The following RSRC1 variants were observed in gnomAD, a reference collection of about 807,000 sequenced individuals.
RSRC1 encodes the protein arginine and serine rich coiled-coil 1, also known as serine/Arginine-related protein 53.
RSRC1 carries 39 observed loss-of-function variants against 49.1 expected under a neutral mutation model. The ratio of observed to expected loss-of-function variants is 0.79; its 90% CI spans 0.61 to 1.04. The LOEUF (loss-of-function observed/expected upper bound fraction) is 1.04, where lower values mean the gene tolerates loss of function less well. Ranked by LOEUF, RSRC1 falls within the 50% of genes least tolerant of loss-of-function variation. RSRC1 has a pLI of 0.00. For synonymous variants in RSRC1, 143 were observed against 130.8 expected (o/e 1.09, Z -0.63); for missense variants, 388 against 402.4 (o/e 0.96, Z 0.31).
chr3:158,119,821 A>C (rs1463715259), intron 1 of RSRC1, among the ~76,000 whole-genome samples: 1 of 146,206 alleles, frequency 6.8e-6, no homozygotes. Context: ...ATATATTTAT[A>C]ATTTCATAGT....
chr3:158,496,225 A>G (rs1739315060), intron 7 of RSRC1, among the ~76,000 whole-genome samples: 1 of 152,124 alleles, frequency 6.6e-6, no homozygotes, highest in Non-Finnish European at 1.5e-5. Context: ...GATTTTATGT[A>G]TTTGTCATAT....
At chr3:158,474,745 C>T (rs983737471) in intron 7 of RSRC1, among the ~76,000 whole-genome samples, 3 of 152,180 alleles carry the variant, frequency 2.0e-5, no homozygotes, top group Non-Finnish European at 4.4e-5. Context: ...AATTCTAGCC[C>T]TTCTCCTTTG....
intron 4 of RSRC1, among the ~76,000 whole-genome samples, chr3:158,289,453 G>T (rs1726782503): frequency 6.6e-6 from 1 of 152,142 alleles, no homozygotes; most frequent in Non-Finnish European, 1.5e-5. Flanking sequence ...AAAACTAAAG[G>T]ATCTTAAAAA....
chr3:158,315,910 G>C (rs978396150), intron 5 of RSRC1, among the ~76,000 whole-genome samples: 1 of 152,088 alleles, frequency 6.6e-6, no homozygotes, highest in Non-Finnish European at 1.5e-5. Flanking sequence ...GGTGGCTCAC[G>C]CCTGCAATCC....
chr3:158,476,896 C>T (rs11714821), intron 7 of RSRC1, among the ~76,000 whole-genome samples: 79,082 of 151,936 alleles, frequency 0.52, 21,135 homozygotes, highest in African/African-American at 0.64. Flanking sequence ...TTGTTTTAGA[C>T]GCCATTAAGA....
At chr3:158,255,497 ATGATGCCTC>A (rs1724490496) in intron 4 of RSRC1, among the ~76,000 whole-genome samples, 1 of 152,140 alleles carries the variant, frequency 6.6e-6, no homozygotes, top group Non-Finnish European at 1.5e-5. Context: ...GTCAGGTAGC[ATGATGCCTC>A]CAGCTTTGTT....
Position 158,123,922 on chromosome 3 carries a change from G to T in RSRC1, c.251G>T (p.Arg84Leu), listed in dbSNP as rs775199166. The change falls in exon 3 of 10, where the codon CGA becomes CTA. Residue 84 changes from arginine to leucine, a missense_variant. Coordinates refer to ENST00000611884, the MANE Select transcript of RSRC1 (RefSeq NM_001271838.2). ...SSYGSRRKRS[R>L]SRSRGRGKSY... Reference sequence around the variant, plus strand: ...TATGGCTCCAGAAGGAAACGAAGTCGAAGTCGTTCAAGGGGTCGAGGGAAA... The same window carrying T: ...TATGGCTCCAGAAGGAAACGAAGTCTAAGTCGTTCAAGGGGTCGAGGGAAA... 1 of 1,612,920 alleles carries T rather than the reference G, an allele frequency of 6.2e-7. No homozygotes were observed. The highest frequency in any genetic ancestry group is 1.3e-5 in the African/African-American group (1 of 74,970).
intron 1 of RSRC1, among the ~76,000 whole-genome samples, chr3:158,121,262 A>G (rs532758163): frequency 1.3e-5 from 2 of 152,178 alleles, no homozygotes; most frequent in South Asian, 2.1e-4. Flanking sequence ...TTTTTAGATT[A>G]TTATTACTCA....
intron 4 of RSRC1, among the ~76,000 whole-genome samples, chr3:158,291,034 C>T (rs1388991015): frequency 6.6e-6 from 1 of 151,836 alleles, no homozygotes; most frequent in African/African-American, 2.4e-5. Context: ...CCTATCTCTA[C>T]AAAAAATAAG....
At chr3:158,190,443 A>T (rs1388398515) in intron 3 of RSRC1, among the ~76,000 whole-genome samples, 2 of 151,636 alleles carry the variant, frequency 1.3e-5, no homozygotes, top group African/African-American at 4.8e-5. Context: ...CCTTTTCATC[A>T]TTAACATCTA....
chr3:158,316,154 A>G (rs1221180270), intron 5 of RSRC1, among the ~76,000 whole-genome samples: 2 of 151,812 alleles, frequency 1.3e-5, no homozygotes, highest in Non-Finnish European at 2.9e-5. Flanking sequence ...CCTGGACAAC[A>G]GAGCGAGACT....
chr3:158,298,670 C>A, intron 5 of RSRC1, among the ~76,000 whole-genome samples: 1 of 152,034 alleles, frequency 6.6e-6, no homozygotes, highest in East Asian at 1.9e-4. Flanking sequence ...AAAACCCTTA[C>A]AATTGTAATA....
chr3:158,480,982 A>AT (rs1339937407), intron 7 of RSRC1, among the ~76,000 whole-genome samples: 1 of 152,006 alleles, frequency 6.6e-6, no homozygotes, highest in East Asian at 1.9e-4. Context: ...CAGAATTAAG[A>AT]TTTTCAAACA....
At chr3:158,536,550 T>A (rs1712722455) in intron 7 of RSRC1, among the ~76,000 whole-genome samples, 1 of 151,518 alleles carries the variant, frequency 6.6e-6, no homozygotes, top group African/African-American at 2.4e-5. Context: ...ATTGATAATA[T>A]TTTTAGTTGT....
chr3:158,203,581 A>G (rs574370745), intron 4 of RSRC1, among the ~76,000 whole-genome samples: 3 of 152,298 alleles, frequency 2.0e-5, no homozygotes, highest in Non-Finnish European at 2.9e-5. Context: ...TTCCTTTGTT[A>G]TGAGTATGAA....
At position 158,326,608 on chromosome 3, in the gene RSRC1, G is replaced by T. The variant is rs562316087; in HGVS notation, c.532-28249G>T. On this transcript the variant is annotated intron_variant, in intron 5 of 9. Transcript: ENST00000611884. ...CTAGATCATGGTGGATAAGCTCTTT[G>T]ATGTGCTGCTGGATTTGGTTTGCCA... 1.2e-4 allele frequency among the ~76,000 whole-genome samples: 19 copies of T among 152,220 alleles called. No homozygotes were observed. In the South Asian group the frequency reaches 3.1e-3, roughly 25 times the overall value.
At chr3:158,440,650 A>G (rs1017077180) in intron 6 of RSRC1, among the ~76,000 whole-genome samples, 1 of 152,138 alleles carries the variant, frequency 6.6e-6, no homozygotes, top group Non-Finnish European at 1.5e-5. Flanking sequence ...TTTCAGAAAT[A>G]TTAGAGAAAC....
chr3:158,447,314 T>C (rs1736775549), intron 6 of RSRC1, among the ~76,000 whole-genome samples: 1 of 152,082 alleles, frequency 6.6e-6, no homozygotes, highest in Admixed American at 6.6e-5. Context: ...ATATTGAGCA[T>C]TTCATATTCC....
intron 5 of RSRC1, among the ~76,000 whole-genome samples, chr3:158,328,764 C>A (rs970540858): frequency 1.3e-5 from 2 of 152,080 alleles, no homozygotes; most frequent in Admixed American, 6.6e-5. Context: ...TCTGTATTTC[C>A]TGAATTTGAA....
Sources: gnomAD v4.1 joint callset for allele counts (sites outside exome capture counted in the v4.1 genomes callset) on GRCh38, gnomAD v4.1.1 for gene constraint, MANE v1.5 for transcripts, NCBI Gene and HGNC (gene_info 2026-07-23, HGNC 2026-07-21) for gene names.